The following CPNE4 variants were observed in gnomAD, a reference collection of about 807,000 sequenced individuals.
The protein encoded by CPNE4 is copine-4.
A neutral mutation model predicts 67.9 loss-of-function variants in CPNE4; 25 were observed. The observed-to-expected ratio is 0.37, with a 90% confidence interval of 0.27 to 0.51. CPNE4 has a LOEUF of 0.51. Among genes scored for constraint, CPNE4 ranks in the 20% least tolerant of loss-of-function variants. The pLI is 0.93. For missense variants in CPNE4, 464 were observed against 690.8 expected (o/e 0.67, Z 3.68); for synonymous variants, 242 against 244.9 (o/e 0.99, Z 0.11).
chr3:131,654,680 A>G (rs1193182745), intron 7 of CPNE4, among the ~76,000 whole-genome samples: 2 of 152,184 alleles, frequency 1.3e-5, no homozygotes, highest in Non-Finnish European at 2.9e-5. Flanking sequence ...AACTGGCCCC[A>G]ACTCAGGAAG....
chr3:131,984,371 C>T (rs1254614960), intron 1 of CPNE4, among the ~76,000 whole-genome samples: 1 of 152,092 alleles, frequency 6.6e-6, no homozygotes, highest in African/African-American at 2.4e-5. Flanking sequence ...TTTTAATTCA[C>T]CAAAAAGAGC....
chr3:132,011,916 G>A (rs950205662), intron 1 of CPNE4, among the ~76,000 whole-genome samples: 4 of 152,150 alleles, frequency 2.6e-5, no homozygotes, highest in Non-Finnish European at 5.9e-5. Flanking sequence ...GAACCTTGGT[G>A]ATTTCTGCCC....
At chr3:132,014,616 T>A (rs2107681280) in intron 1 of CPNE4, among the ~76,000 whole-genome samples, 1 of 152,348 alleles carries the variant, frequency 6.6e-6, no homozygotes, top group Non-Finnish European at 1.5e-5. Context: ...TCTCTCTTTG[T>A]TCTTTTTAAC....
chr3:131,848,956 CAAAAAAAAAAAAA>C (rs67407668), intron 2 of CPNE4, among the ~76,000 whole-genome samples: 1 of 79,636 alleles, frequency 1.3e-5, no homozygotes, highest in Non-Finnish European at 2.2e-5. Context: ...GTAGTGATTA[CAAAAAAAAAAAAA>C]AAAAAAAAAA....
chr3:131,857,566 G>C (rs973297350), intron 2 of CPNE4, among the ~76,000 whole-genome samples: 4 of 151,992 alleles, frequency 2.6e-5, no homozygotes, highest in Non-Finnish European at 5.9e-5. Flanking sequence ...TTTCATTTTA[G>C]AGAAAAGATC....
intron 2 of CPNE4, among the ~76,000 whole-genome samples, chr3:131,900,511 G>T (rs974991169): frequency 6.6e-6 from 1 of 152,016 alleles, no homozygotes; most frequent in Non-Finnish European, 1.5e-5. Context: ...GAAAGAAAAA[G>T]ATTTAAGTCA....
intron 1 of CPNE4, among the ~76,000 whole-genome samples, chr3:132,001,212 G>A (rs971183820): frequency 1.3e-5 from 2 of 151,916 alleles, no homozygotes; most frequent in African/African-American, 2.4e-5. Context: ...TTCCTTTGCT[G>A]GCTAGAGAAC....
At chr3:131,782,627 T>C (rs2107857970) in intron 2 of CPNE4, among the ~76,000 whole-genome samples, 1 of 152,148 alleles carries the variant, frequency 6.6e-6, no homozygotes, top group East Asian at 1.9e-4. Context: ...GGGAATATAA[T>C]ATATGGTGAA....
At chr3:132,039,594 G>A (rs1250150830), upstream of CPNE4, 1 of 152,176 alleles carries the variant, frequency 6.6e-6, no homozygotes, top group Admixed American at 6.5e-5. Context: ...GGTTAGAGTT[G>A]AGGACTAGAC....
chr3:131,927,331 A>G (rs1277855103), intron 1 of CPNE4, among the ~76,000 whole-genome samples: 1 of 152,144 alleles, frequency 6.6e-6, no homozygotes, highest in Non-Finnish European at 1.5e-5. Flanking sequence ...CTAATCTTTC[A>G]GTGGATCCCA....
Position 131,978,791 on chromosome 3 carries a change from G to A in CPNE4, c.-2+55776C>T, listed in dbSNP as rs533635162. Reference sequence around the variant, plus strand: ...CCTTGAGGTATGACCTTACAGTGTCGGTCTGTGCTCTTTAATTCTTTTTGA... The same window carrying A: ...CCTTGAGGTATGACCTTACAGTGTCAGTCTGTGCTCTTTAATTCTTTTTGA... On this transcript the variant is annotated intron_variant, in intron 1 of 15. Coordinates refer to ENST00000429747, the MANE Select transcript of CPNE4 (RefSeq NM_130808.3). Among the ~76,000 whole-genome samples the A allele has an allele frequency of 1.0e-4, 15 of 150,460 alleles. No homozygotes were observed. In the East Asian group the frequency reaches 1.2e-3, roughly 12 times the overall value.
intron 1 of CPNE4, among the ~76,000 whole-genome samples, chr3:131,976,861 G>T (rs1427383444): frequency 6.6e-6 from 1 of 151,708 alleles, no homozygotes; most frequent in Non-Finnish European, 1.5e-5. Flanking sequence ...GAGTGGAGTG[G>T]CACAATCTTG....
intron 5 of CPNE4, among the ~76,000 whole-genome samples, chr3:131,687,582 A>G (rs2080923722): frequency 6.6e-6 from 1 of 152,236 alleles, no homozygotes; most frequent in African/African-American, 2.4e-5. Flanking sequence ...CTAAATGTTA[A>G]GCAAGCCAGA....
At chr3:131,763,103 C>T (rs900798121) in intron 2 of CPNE4, among the ~76,000 whole-genome samples, 4 of 152,038 alleles carry the variant, frequency 2.6e-5, no homozygotes, top group Non-Finnish European at 5.9e-5. Context: ...ATATTTCCCC[C>T]AAGAAGTTCT....
chr3:131,875,108 G>C (rs1412872703), intron 2 of CPNE4, among the ~76,000 whole-genome samples: 1 of 152,160 alleles, frequency 6.6e-6, no homozygotes, highest in Admixed American at 6.5e-5. Flanking sequence ...CACTCAATGT[G>C]TAAGTAAAAT....
At chr3:131,938,489 A>G (rs1055895788) in intron 1 of CPNE4, among the ~76,000 whole-genome samples, 16 of 152,170 alleles carry the variant, frequency 1.1e-4, no homozygotes, top group African/African-American at 3.9e-4. Flanking sequence ...TGCTATAAAG[A>G]TACTACCTGA....
chr3:131,592,621 G>A (rs768269729), intron 7 of CPNE4, among the ~76,000 whole-genome samples: 27 of 148,998 alleles, frequency 1.8e-4, no homozygotes, highest in Admixed American at 6.1e-4. Context: ...ATATATGTGT[G>A]TGTATATACA....
intron 1 of CPNE4, among the ~76,000 whole-genome samples, chr3:131,962,846 C>A (rs1484989132): frequency 6.6e-6 from 1 of 152,068 alleles, no homozygotes; most frequent in Non-Finnish European, 1.5e-5. Context: ...TTGCCCTACA[C>A]CCTGCTTAGA....
chr3:131,874,211 C>G (rs1482110216), intron 2 of CPNE4, among the ~76,000 whole-genome samples: 1 of 151,996 alleles, frequency 6.6e-6, no homozygotes, highest in East Asian at 1.9e-4. Flanking sequence ...GCCTCAGCCC[C>G]CCGAGTAGCT....
Sources: allele counts gnomAD v4.1 joint callset (sites outside exome capture counted in the v4.1 genomes callset), GRCh38; gene constraint gnomAD v4.1.1; transcripts MANE v1.5; gene names NCBI Gene and HGNC (gene_info 2026-07-23, HGNC 2026-07-21).